Variants in MAML3 observed in about 807,000 individuals in gnomAD.
MAML3 encodes mastermind-like protein 3.
In MAML3, 27 loss-of-function variants were observed where a neutral mutation model predicts 101.9. That is an observed-to-expected ratio of 0.27 (90% confidence interval 0.20 to 0.37). The LOEUF is 0.37. MAML3 is among the 10% of genes least tolerant of loss of function. MAML3 has a pLI of 1.00. For synonymous variants in MAML3, 501 were observed against 555.9 expected (o/e 0.90, Z 1.39); for missense variants, 1,316 against 1,444.9 (o/e 0.91, Z 1.45).
chr4:140,088,141 C>A (rs1469429179), intron 1 of MAML3, among the ~76,000 whole-genome samples: 1 of 151,994 alleles, frequency 6.6e-6, no homozygotes, highest in Non-Finnish European at 1.5e-5. Flanking sequence ...TCATTTGAGC[C>A]CAGGAGTTCG....
intron 3 of MAML3, among the ~76,000 whole-genome samples, chr4:139,730,094 C>T (rs992610688): frequency 5.9e-5 from 9 of 152,170 alleles, no homozygotes; most frequent in South Asian, 2.1e-4. Context: ...AGACAGTCCC[C>T]GCCATGTGCT....
At chr4:139,758,459 C>A (rs1350978038) in intron 2 of MAML3, among the ~76,000 whole-genome samples, 2 of 152,072 alleles carry the variant, frequency 1.3e-5, no homozygotes, top group Non-Finnish European at 2.9e-5. Flanking sequence ...GCAGAGGTGG[C>A]CAGAAAGACT....
intron 1 of MAML3, among the ~76,000 whole-genome samples, chr4:140,089,454 G>A (rs1320158225): frequency 2.6e-5 from 4 of 152,100 alleles, no homozygotes; most frequent in Admixed American, 6.5e-5. Context: ...CATGACCTTG[G>A]GCAAGTCACT....
intron 1 of MAML3, among the ~76,000 whole-genome samples, chr4:140,148,710 T>C (rs913962139): frequency 1.3e-5 from 2 of 152,218 alleles, no homozygotes; most frequent in African/African-American, 2.4e-5. Flanking sequence ...CATTCAGCAG[T>C]GGACTAATAT....
At chr4:140,111,268 A>G (rs974296426) in intron 1 of MAML3, among the ~76,000 whole-genome samples, 27 of 152,182 alleles carry the variant, frequency 1.8e-4, no homozygotes, top group African/African-American at 6.3e-4. Flanking sequence ...TTTCTTGATC[A>G]CCTTGGGCCA....
chr4:140,007,292 A>G (rs1206450269), intron 1 of MAML3, among the ~76,000 whole-genome samples: 1 of 152,246 alleles, frequency 6.6e-6, no homozygotes, highest in Non-Finnish European at 1.5e-5. Context: ...TTTATCACCA[A>G]CTGGAGGAAA....
At chr4:140,139,552 A>G (rs1447892571) in intron 1 of MAML3, among the ~76,000 whole-genome samples, 1 of 152,152 alleles carries the variant, frequency 6.6e-6, no homozygotes, top group East Asian at 1.9e-4. Context: ...ATCCATAGTA[A>G]GGTTAAGATT....
At chr4:140,152,755 G>A in intron 1 of MAML3, 105 bp downstream of exon 1, 1 of 1,498,948 alleles carries the variant, frequency 6.7e-7, no homozygotes, top group Non-Finnish European at 8.9e-7. Context: ...CTCACCCACC[G>A]TGCAAATCAG....
intron 1 of MAML3, among the ~76,000 whole-genome samples, chr4:140,039,613 T>C (rs1727047362): frequency 6.6e-6 from 1 of 152,154 alleles, no homozygotes; most frequent in Non-Finnish European, 1.5e-5. Flanking sequence ...ACTGTGCAGG[T>C]GACATGGCAT....
intron 2 of MAML3, among the ~76,000 whole-genome samples, chr4:139,868,242 T>C (rs1021698720): frequency 2.0e-5 from 3 of 152,174 alleles, no homozygotes; most frequent in African/African-American, 4.8e-5. Flanking sequence ...TAAGAAACAC[T>C]CCCTGTTCAA....
chr4:140,132,029 G>A (rs1373931365), intron 1 of MAML3, among the ~76,000 whole-genome samples: 1 of 152,314 alleles, frequency 6.6e-6, no homozygotes, highest in East Asian at 1.9e-4. Flanking sequence ...TGCGGCAATT[G>A]GATAAACAGG....
intron 2 of MAML3, among the ~76,000 whole-genome samples, chr4:139,828,999 AAGG>A (rs1731113777): frequency 2.3e-5 from 3 of 131,736 alleles, no homozygotes; most frequent in African/African-American, 9.1e-5. Context: ...GGAAGGAAGG[AAGG>A]AAGGAAGGAA....
intron 1 of MAML3, among the ~76,000 whole-genome samples, chr4:140,111,951 G>C (rs1728445416): frequency 6.6e-6 from 1 of 152,142 alleles, no homozygotes; most frequent in African/African-American, 2.4e-5. Flanking sequence ...TTGAATATTA[G>C]AGGCTCATTC....
chr4:140,093,345 A>G (rs1728093719), intron 1 of MAML3, among the ~76,000 whole-genome samples: 1 of 152,074 alleles, frequency 6.6e-6, no homozygotes, highest in African/African-American at 2.4e-5. Context: ...CAGATTTTTC[A>G]GTTCTGCAAA....
At chr4:139,902,744 G>C (rs145604356) in intron 1 of MAML3, among the ~76,000 whole-genome samples, 1 of 152,176 alleles carries the variant, frequency 6.6e-6, no homozygotes, top group African/African-American at 2.4e-5. Context: ...TTTTTCAAAA[G>C]AAATTAGACC....
At chr4:139,880,312 G>T (rs1433317437) in intron 2 of MAML3, among the ~76,000 whole-genome samples, 1 of 151,974 alleles carries the variant, frequency 6.6e-6, no homozygotes, top group African/African-American at 2.4e-5. Context: ...TCCAAAATAT[G>T]CCAGGATGTA....
chr4:140,118,158 G>A (rs1429288836), intron 1 of MAML3, among the ~76,000 whole-genome samples: 1 of 150,902 alleles, frequency 6.6e-6, no homozygotes, highest in African/African-American at 2.4e-5. Flanking sequence ...AAATATTTGT[G>A]GGTTTGTTTT....
chr4:139,915,686 G>A (rs1733012683), intron 1 of MAML3, among the ~76,000 whole-genome samples: 1 of 152,168 alleles, frequency 6.6e-6, no homozygotes, highest in Non-Finnish European at 1.5e-5. Flanking sequence ...TGGCTAAGCA[G>A]CATTGGCGGG....
intron 1 of MAML3, among the ~76,000 whole-genome samples, chr4:139,902,858 A>C (rs1732754067): frequency 6.6e-6 from 1 of 152,196 alleles, no homozygotes; most frequent in South Asian, 2.1e-4. Flanking sequence ...ACAGGGAGTG[A>C]CCAAGGCTGA....
Sources: gnomAD v4.1 joint callset for allele counts (sites outside exome capture counted in the v4.1 genomes callset) on GRCh38, gnomAD v4.1.1 for gene constraint, MANE v1.5 for transcripts, NCBI Gene and HGNC (gene_info 2026-07-23, HGNC 2026-07-21) for gene names.